The following CAP1 variants were observed in gnomAD, a reference collection of about 807,000 sequenced individuals.
CAP1 encodes the protein adenylyl cyclase-associated protein 1.
A neutral mutation model predicts 58.2 loss-of-function variants in CAP1; 11 were observed. The ratio of observed to expected loss-of-function variants is 0.19; its 90% CI spans 0.12 to 0.31. CAP1 has a LOEUF of 0.31. CAP1 is among the 10% of genes least tolerant of loss of function. The pLI, the probability that CAP1 is intolerant of heterozygous loss-of-function variation, is 1.00. For synonymous variants in CAP1, 183 were observed against 213.8 expected, an observed-to-expected ratio of 0.86 and a Z score of 1.26; for missense variants, 423 against 587.5, an observed-to-expected ratio of 0.72 and a Z score of 2.89.
chr1:40,054,130 AGAGT>A (rs34566170), intron 1 of CAP1, among the ~76,000 whole-genome samples: 82,260 of 151,202 alleles, frequency 0.54, 24,014 homozygotes, highest in Non-Finnish European at 0.66. Flanking sequence ...TGTTGAGGGG[AGAGT>A]GAGTAAGAGC....
intron 1 of CAP1, among the ~76,000 whole-genome samples, chr1:40,053,546 G>C (rs115440771): frequency 0.013 from 1,920 of 152,204 alleles, 44 homozygotes; most frequent in African/African-American, 0.044. Flanking sequence ...CGCCTCCCAG[G>C]TTCCAGCAAT....
At chr1:40,058,052 A>G (rs1646690276) in intron 1 of CAP1, among the ~76,000 whole-genome samples, 1 of 152,214 alleles carries the variant, frequency 6.6e-6, no homozygotes, top group Admixed American at 6.5e-5. Context: ...GTAGTAGTCT[A>G]GATGGTAGAG....
At chr1:40,070,083 A>G (rs887701495) in intron 9 of CAP1, 76 bp from the exon 10 acceptor site, 257 of 1,596,540 alleles carry the variant, frequency 1.6e-4, no homozygotes, top group Admixed American at 2.0e-4. Context: ...GCAAGAACAA[A>G]AAGTTTGGGA....
At chr1:40,067,378 G>T in intron 7 of CAP1, 162 bp from the exon 8 acceptor site, 2 of 538,362 alleles carry the variant, frequency 3.7e-6, no homozygotes, top group South Asian at 2.9e-5. Flanking sequence ...GGGAAAGGGT[G>T]AGAAGGCATA....
chr1:40,059,607 G>T, intron 2 of CAP1, 149 bp downstream of exon 2: 1 of 574,458 alleles, frequency 1.7e-6, no homozygotes, highest in Non-Finnish European at 3.2e-6. Context: ...AGATAAGAGA[G>T]GAAATGACTT....
chr1:40,047,113 G>A (rs551806198), intron 1 of CAP1, among the ~76,000 whole-genome samples: 8 of 107,030 alleles, frequency 7.5e-5, no homozygotes, highest in African/African-American at 3.6e-4. Flanking sequence ...ATAATCTTAT[G>A]GGATTTTGTG....
chr1:40,064,417 A>T (rs1421105266), intron 5 of CAP1, 47 bp downstream of exon 5: 36 of 1,613,252 alleles, frequency 2.2e-5, no homozygotes, highest in Non-Finnish European at 3.1e-5. Context: ...AGATTTTAAG[A>T]GGGAAGGCAA....
chr1:40,063,298 C>T (rs1646937640), intron 4 of CAP1, among the ~76,000 whole-genome samples: 1 of 152,212 alleles, frequency 6.6e-6, no homozygotes, highest in South Asian at 2.1e-4. Flanking sequence ...CCACCTCAGC[C>T]TCCTGAATAG....
In CAP1 at chr1:40,064,288, G is replaced by A. The variant is rs1646982584; in HGVS notation, c.356G>A (p.Arg119Gln). The A allele has an allele frequency of 1.9e-6, 3 of 1,614,124 alleles. No homozygotes were observed. The highest frequency in any genetic ancestry group is 1.7e-5 in the Admixed American group (1 of 60,016). The change falls in exon 5 of 13, where the codon CGG (arginine) becomes CAG (glutamine). Residue 119 changes from arginine (R) to glutamine (Q), a missense_variant. Coordinates refer to ENST00000372805, the MANE Select transcript of CAP1 (RefSeq NM_006367.4). Reference sequence around the variant, plus strand: ...CAGATCAAAGAAGTGATAACCTTTCGGGAGAAGAACCGAGGCAGCAAGTTG... The same window carrying A: ...CAGATCAAAGAAGTGATAACCTTTCAGGAGAAGAACCGAGGCAGCAAGTTG... ...SEQIKEVITF[R>Q]EKNRGSKLFN... is the part of the protein sequence containing the mutation.
intron 1 of CAP1, among the ~76,000 whole-genome samples, chr1:40,046,574 A>G (rs1440134613): frequency 6.6e-6 from 1 of 152,206 alleles, no homozygotes; most frequent in Non-Finnish European, 1.5e-5. Context: ...TGTGTTGCTT[A>G]ATGACAGGTA....
At chr1:40,061,280 T>A (rs2124360565) in intron 3 of CAP1, among the ~76,000 whole-genome samples, 1 of 152,338 alleles carries the variant, frequency 6.6e-6, no homozygotes, top group African/African-American at 2.4e-5. Flanking sequence ...GTATCTGGCA[T>A]TTGAGAGATA....
At chr1:40,053,910 A>C (rs1050940668) in intron 1 of CAP1, among the ~76,000 whole-genome samples, 2 of 152,232 alleles carry the variant, frequency 1.3e-5, no homozygotes, top group Non-Finnish European at 2.9e-5. Flanking sequence ...TACTATATTT[A>C]ATTGATATTA....
At position 40,071,431 on chromosome 1, in the gene CAP1, GTC is replaced by G; in HGVS notation, c.1345-15_1345-14del. ...TCTTTAGCTCAGATTTAAACCTGCT[GTC>G]TCTTCTTTATTTGCAGAATGAATTC... is the stretch of plus-strand genomic sequence containing the variant. On this transcript the variant is annotated splice_polypyrimidine_tract_variant and intron_variant, in intron 12 of 12. Transcript: ENST00000372805. The G allele has an allele frequency of 6.3e-7, 1 of 1,578,772 alleles. No homozygotes were observed. Among genetic ancestry groups the G allele is most frequent in the Non-Finnish European group, 8.7e-7 (1 of 1,148,900 alleles).
At chr1:40,057,579 C>A (rs1646671577) in intron 1 of CAP1, 1 of 152,024 alleles carries the variant, frequency 6.6e-6, no homozygotes, top group South Asian at 2.1e-4. Flanking sequence ...CCCACAGAGA[C>A]CAGAGCCTGT....
At chr1:40,050,356 T>A (rs1056605524) in intron 1 of CAP1, among the ~76,000 whole-genome samples, 9 of 2,694 alleles carry the variant, frequency 3.3e-3, no homozygotes, top group Non-Finnish European at 5.9e-3. Flanking sequence ...TTCTTTTCAT[T>A]TTGTTCCAAT....
chr1:40,053,326 G>A (rs1043138683), intron 1 of CAP1, among the ~76,000 whole-genome samples: 6 of 152,240 alleles, frequency 3.9e-5, no homozygotes, highest in Non-Finnish European at 7.3e-5. Flanking sequence ...TGGATACTGT[G>A]ATTAACCATA....
chr1:40,047,760 C>CCTGTTTG lies in CAP1; in HGVS notation c.-11+6962_-11+6968dup, dbSNP rs528509778. 3.2e-4 allele frequency among the ~76,000 whole-genome samples: 48 copies of CCTGTTTG among 152,270 alleles called. No individual in the cohort carries two copies. In the South Asian group the frequency reaches 5.4e-3, roughly 17 times the overall value. On this transcript the variant is annotated intron_variant, in intron 1 of 12. Transcript: ENST00000372805. ...GAGAACCCATGACCACACAAAGTTA[C>CCTGTTTG]CTGTTTGCTCCAGACATTGAAACAG...
chr1:40,070,353 C>G (rs774037242), intron 10 of CAP1, 71 bp downstream of exon 10: 14 of 1,607,928 alleles, frequency 8.7e-6, no homozygotes, highest in Non-Finnish European at 1.1e-5. Flanking sequence ...TTTTACCTAC[C>G]CTATCCTTAA....
intron 8 of CAP1, among the ~76,000 whole-genome samples, chr1:40,068,152 T>C (rs960937488): frequency 6.6e-6 from 1 of 152,262 alleles, no homozygotes; most frequent in Non-Finnish European, 1.5e-5. Flanking sequence ...GGTGGAAGTC[T>C]GAGTTGTCCA....
Sources: gnomAD v4.1 joint callset for allele counts (sites outside exome capture counted in the v4.1 genomes callset) on GRCh38, gnomAD v4.1.1 for gene constraint, MANE v1.5 for transcripts, NCBI Gene and HGNC (gene_info 2026-07-23, HGNC 2026-07-21) for gene names.